ZNF385D: variants seen among roughly 807,000 people sequenced by gnomAD.
The protein encoded by ZNF385D is zinc finger protein 659.
Under a neutral mutation model 35.8 loss-of-function variants are expected in ZNF385D, and 15 were observed. That is an observed-to-expected ratio of 0.42 (90% confidence interval 0.28 to 0.64). The LOEUF (loss-of-function observed/expected upper bound fraction) is 0.64, where lower values mean the gene tolerates loss of function less well. Ranked by LOEUF, ZNF385D falls within the 30% of genes least tolerant of loss-of-function variation. ZNF385D has a pLI of 0.23. For missense variants in ZNF385D, 474 were observed against 494.6 expected, an observed-to-expected ratio of 0.96 and a Z score of 0.39; for synonymous variants, 212 against 186.8, an observed-to-expected ratio of 1.13 and a Z score of -1.10.
At chr3:21,976,893 A>C (rs1909079) in intron 3 of ZNF385D, among the ~76,000 whole-genome samples, 87,964 of 151,958 alleles carry the variant, frequency 0.58, 27,117 homozygotes, top group African/African-American at 0.81. Context: ...GAGGCTGAGG[A>C]AGGAGAATTG....
intron 3 of ZNF385D, among the ~76,000 whole-genome samples, chr3:21,817,460 C>G (rs933466057): frequency 1.8e-4 from 27 of 152,148 alleles, no homozygotes; most frequent in African/African-American, 6.5e-4. Context: ...TATCCAGAAT[C>G]TACAAAGAAG....
chr3:21,612,720 C>A (rs947439178), intron 2 of ZNF385D, among the ~76,000 whole-genome samples: 2 of 152,138 alleles, frequency 1.3e-5, no homozygotes, highest in Admixed American at 6.5e-5. Flanking sequence ...TGTGCTATTG[C>A]TAAAAAGCCA....
At chr3:22,103,695 G>A (rs1333456414) in intron 3 of ZNF385D, among the ~76,000 whole-genome samples, 1 of 135,048 alleles carries the variant, frequency 7.4e-6, no homozygotes, top group Admixed American at 7.1e-5. Flanking sequence ...TTAGTACTGT[G>A]TCAAAGTCAG....
At chr3:22,061,692 G>C (rs1424259500) in intron 3 of ZNF385D, among the ~76,000 whole-genome samples, 2 of 152,164 alleles carry the variant, frequency 1.3e-5, no homozygotes, top group African/African-American at 2.4e-5. Flanking sequence ...TCTTGTCAAA[G>C]AGGCCTTCTA....
intron 3 of ZNF385D, among the ~76,000 whole-genome samples, chr3:22,030,846 C>T (rs1218599075): frequency 6.6e-6 from 1 of 152,138 alleles, no homozygotes; most frequent in Non-Finnish European, 1.5e-5. Context: ...TACCTATGAA[C>T]CTGTAAAATC....
chr3:22,033,564 G>A (rs1576194034), intron 3 of ZNF385D, among the ~76,000 whole-genome samples: 1 of 151,936 alleles, frequency 6.6e-6, no homozygotes, highest in Admixed American at 6.6e-5. Context: ...TGTCACAGAA[G>A]GAGGTAGTAT....
chr3:21,567,573 G>GA (rs1429254157), intron 2 of ZNF385D, among the ~76,000 whole-genome samples: 1 of 151,854 alleles, frequency 6.6e-6, no homozygotes, highest in Non-Finnish European at 1.5e-5. Flanking sequence ...CCAGCTGACG[G>GA]AAAAATTAAA....
In ZNF385D at chr3:21,612,924, T is replaced by G. The variant is rs149639138; in HGVS notation, c.166-48240A>C. On this transcript the variant is annotated intron_variant, in intron 2 of 7. Transcript: ENST00000281523. ...CAGTCCTAGGTAAACACACCCAATC[T>G]TGAACCCATTTAGCTTTGAATAATG... Among the ~76,000 whole-genome samples, 690 of 152,210 alleles carry G rather than the reference T, an allele frequency of 4.5e-3. 6 individuals carry two copies. The highest frequency in any genetic ancestry group is 0.015 in the African/African-American group (641 of 41,550).
intron 2 of ZNF385D, among the ~76,000 whole-genome samples, chr3:22,219,320 C>G (rs2125276888): frequency 6.6e-6 from 1 of 152,176 alleles, no homozygotes; most frequent in East Asian, 1.9e-4. Flanking sequence ...CAACCCTGTT[C>G]TATGTATTAA....
chr3:22,319,828 G>C (rs1451359467), intron 2 of ZNF385D, among the ~76,000 whole-genome samples: 1 of 152,134 alleles, frequency 6.6e-6, no homozygotes, highest in Non-Finnish European at 1.5e-5. Context: ...GGTTGACTTT[G>C]AATCTATTTC....
upstream of ZNF385D, among the ~76,000 whole-genome samples, chr3:21,755,234 C>T (rs903720661): frequency 1.3e-5 from 2 of 152,136 alleles, no homozygotes; most frequent in Non-Finnish European, 2.9e-5. Flanking sequence ...ATCCAGTGTT[C>T]CTGATTTCAG....
In ZNF385D at chr3:22,079,315, G is replaced by A. The variant is rs551916575; in HGVS notation, c.325+89502C>T. 2.0e-5 allele frequency among the ~76,000 whole-genome samples: 3 copies of A among 151,836 alleles called. No individual in the cohort carries two copies. The East Asian group carries it at 5.8e-4, about 29-fold the overall frequency. On this transcript the variant is annotated intron_variant, in intron 3 of 5. Coordinates refer to the ZNF385D transcript ENST00000494108. The stretch of plus-strand genomic sequence containing the variant: ...TGTAAATAAGCCTTCAAAGTACAAG[G>A]TGTTACTGAAAAATATAATTTAAGA...
chr3:21,821,839 G>A (rs28542985), intron 3 of ZNF385D, among the ~76,000 whole-genome samples: 12,512 of 151,626 alleles, frequency 0.083, 573 homozygotes, highest in Middle Eastern at 0.11. Flanking sequence ...GCACGTTCCT[G>A]CCTGCAGTCC....
At chr3:21,734,697 C>A (rs1412183230) in intron 1 of ZNF385D, among the ~76,000 whole-genome samples, 1 of 152,038 alleles carries the variant, frequency 6.6e-6, no homozygotes, top group Non-Finnish European at 1.5e-5. Context: ...AAAACCTGGG[C>A]TGCACTGATC....
At chr3:22,316,704 C>T (rs1345060172) in intron 2 of ZNF385D, among the ~76,000 whole-genome samples, 1 of 152,136 alleles carries the variant, frequency 6.6e-6, no homozygotes, top group Non-Finnish European at 1.5e-5. Flanking sequence ...ATTTACCATA[C>T]AGAGTTATAT....
At chr3:22,105,307 C>T (rs534754726) in intron 3 of ZNF385D, among the ~76,000 whole-genome samples, 46 of 143,926 alleles carry the variant, frequency 3.2e-4, no homozygotes, top group Non-Finnish European at 5.8e-4. Flanking sequence ...TGCATATTGC[C>T]TTTTTTTTTT....
intron 2 of ZNF385D, among the ~76,000 whole-genome samples, chr3:22,321,319 A>G (rs1694418535): frequency 6.6e-6 from 1 of 151,984 alleles, no homozygotes; most frequent in African/African-American, 2.4e-5. Context: ...AGTCCCTACA[A>G]TTAATGGGGG....
intron 3 of ZNF385D, among the ~76,000 whole-genome samples, chr3:22,058,994 AC>A (rs1699555919): frequency 6.6e-6 from 1 of 152,104 alleles, no homozygotes; most frequent in Non-Finnish European, 1.5e-5. Context: ...AATTTCAATC[AC>A]CCCTAAACCT....
At chr3:21,509,618 T>C (rs577515242) in intron 4 of ZNF385D, among the ~76,000 whole-genome samples, 1 of 152,066 alleles carries the variant, frequency 6.6e-6, no homozygotes, top group Admixed American at 6.6e-5. Context: ...CTTGGCTATA[T>C]CAGAGAACCA....
Sources: gnomAD v4.1 joint callset for allele counts (sites outside exome capture counted in the v4.1 genomes callset) on GRCh38, gnomAD v4.1.1 for gene constraint, MANE v1.5 for transcripts, NCBI Gene and HGNC (gene_info 2026-07-23, HGNC 2026-07-21) for gene names.